KHDRBS2: variants seen among roughly 807,000 people sequenced by gnomAD.
KHDRBS2 encodes the protein KH RNA binding domain containing, signal transduction associated 2.
Under a neutral mutation model 44.3 loss-of-function variants are expected in KHDRBS2, and 26 were observed. The ratio of observed to expected loss-of-function variants is 0.59; its 90% CI spans 0.43 to 0.81. The LOEUF is 0.81. Among genes scored for constraint, KHDRBS2 ranks in the 40% least tolerant of loss-of-function variants. The pLI, the probability that KHDRBS2 is intolerant of heterozygous loss-of-function variation, is 0.00. For missense variants in KHDRBS2, 476 were observed against 433.1 expected, an observed-to-expected ratio of 1.10 and a Z score of -0.88; for synonymous variants, 194 against 151.1, an observed-to-expected ratio of 1.28 and a Z score of -2.08.
intron 4 of KHDRBS2, among the ~76,000 whole-genome samples, chr6:61,926,528 G>T (rs1319855569): frequency 2.0e-5 from 3 of 152,202 alleles, no homozygotes; most frequent in African/African-American, 7.2e-5. Flanking sequence ...CAATTTTGGA[G>T]ATATTAAACA....
intron 1 of KHDRBS2, among the ~76,000 whole-genome samples, chr6:62,285,161 T>C (rs1169806233): frequency 6.6e-6 from 1 of 152,086 alleles, no homozygotes; most frequent in Non-Finnish European, 1.5e-5. Context: ...AAACAAGACA[T>C]ATGTGTTCCT....
chr6:61,815,194 A>G (rs1355414463), intron 6 of KHDRBS2, among the ~76,000 whole-genome samples: 1 of 151,994 alleles, frequency 6.6e-6, no homozygotes, highest in African/African-American at 2.4e-5. Flanking sequence ...TTTCCTTTAC[A>G]GTAGCAAGCA....
intron 1 of KHDRBS2, among the ~76,000 whole-genome samples, chr6:62,196,985 T>G (rs1825841057): frequency 6.6e-6 from 1 of 152,098 alleles, no homozygotes; most frequent in Non-Finnish European, 1.5e-5. Context: ...TATAGTCTAC[T>G]TTGCCCTCTA....
At chr6:61,986,008 G>A (rs1774990330) in intron 3 of KHDRBS2, among the ~76,000 whole-genome samples, 2 of 151,896 alleles carry the variant, frequency 1.3e-5, no homozygotes. Context: ...AAGCACTAGA[G>A]TATAGTGGTT....
intron 6 of KHDRBS2, among the ~76,000 whole-genome samples, chr6:61,871,689 G>A (rs1425895458): frequency 6.6e-6 from 1 of 152,112 alleles, no homozygotes; most frequent in Non-Finnish European, 1.5e-5. Flanking sequence ...GAAGAGAGTG[G>A]GGGCCAATAT....
intron 1 of KHDRBS2, among the ~76,000 whole-genome samples, chr6:62,187,089 T>C (rs779896235): frequency 3.9e-5 from 6 of 152,106 alleles, no homozygotes; most frequent in Non-Finnish European, 8.8e-5. Context: ...CCACAGTCCA[T>C]CATGCTGGCA....
intron 7 of KHDRBS2, among the ~76,000 whole-genome samples, chr6:61,707,870 C>A (rs895328825): frequency 1.3e-5 from 2 of 151,558 alleles, no homozygotes; most frequent in African/African-American, 4.8e-5. Flanking sequence ...ATAATATATT[C>A]TATACGTAAC....
chr6:61,722,649 G>T (rs1402117446), intron 7 of KHDRBS2, among the ~76,000 whole-genome samples: 1 of 151,700 alleles, frequency 6.6e-6, no homozygotes, highest in Non-Finnish European at 1.5e-5. Context: ...TTTAGACTGT[G>T]ACAGTGCTCA....
In KHDRBS2 at chr6:62,077,484, T is replaced by G. The variant is rs572941464; in HGVS notation, c.220-29490A>C. 5.9e-5 allele frequency among the ~76,000 whole-genome samples: 9 copies of G among 152,184 alleles called. No individual in the cohort carries two copies. In the South Asian group the frequency reaches 1.9e-3, roughly 32 times the overall value. On this transcript the variant is annotated intron_variant, in intron 2 of 8. Transcript: ENST00000281156. The stretch of plus-strand genomic sequence containing the variant: ...TTCCTAGTTCCAGGGACCTCTGTGA[T>G]GACTTCTTTATCTGGGATCTTGAAT...
chr6:62,075,962 GA>G (rs1276157275), intron 2 of KHDRBS2, among the ~76,000 whole-genome samples: 1 of 150,788 alleles, frequency 6.6e-6, no homozygotes, highest in African/African-American at 2.4e-5. Context: ...TTTGAATGTA[GA>G]TTTTTTTTGC....
chr6:61,942,405 A>G (rs1812311421), intron 4 of KHDRBS2, among the ~76,000 whole-genome samples: 1 of 152,172 alleles, frequency 6.6e-6, no homozygotes, highest in Non-Finnish European at 1.5e-5. Context: ...CAAAACAAAA[A>G]TTCTGCAACT....
At chr6:61,981,742 C>G (rs933592637) in intron 3 of KHDRBS2, among the ~76,000 whole-genome samples, 1 of 152,160 alleles carries the variant, frequency 6.6e-6, no homozygotes, top group Non-Finnish European at 1.5e-5. Context: ...TTCATGTTCT[C>G]TCACTTTGTA....
the KHDRBS2 span, among the ~76,000 whole-genome samples, chr6:61,543,030 ACT>A: frequency 1.3e-5 from 2 of 151,942 alleles, no homozygotes; most frequent in African/African-American, 4.8e-5. Context: ...CATCAGGGAA[ACT>A]CTCTAGAACA....
intron 2 of KHDRBS2, among the ~76,000 whole-genome samples, chr6:62,151,584 C>T (rs533251457): frequency 6.6e-6 from 1 of 152,132 alleles, no homozygotes; most frequent in Non-Finnish European, 1.5e-5. Context: ...TAATCTGAAA[C>T]AGACAATGGC....
At chr6:61,977,953 AG>A in intron 4 of KHDRBS2, 112 bp downstream of exon 4, 1 of 874,848 alleles carries the variant, frequency 1.1e-6, no homozygotes, top group Non-Finnish European at 1.8e-6. Flanking sequence ...ACCTGTGGAT[AG>A]ATCATTGGTT....
In KHDRBS2 at chr6:61,688,027, A is replaced by G. The variant is rs1415618132; in HGVS notation, c.953-6967T>C. On this transcript the variant is annotated intron_variant, in intron 8 of 8. Transcript: ENST00000281156. Reference sequence around the variant, plus strand: ...TTATTGTATTTAATAAATTGACTCAATCTGTACCATTTTATTTCTAATTAT... The same window carrying G: ...TTATTGTATTTAATAAATTGACTCAGTCTGTACCATTTTATTTCTAATTAT... Among the ~76,000 whole-genome samples, 5 of 151,962 alleles carry G rather than the reference A, an allele frequency of 3.3e-5. 1 individual carries two copies. The South Asian group carries it at 6.2e-4, about 19-fold the overall frequency.
At chr6:61,757,006 G>A (rs940137485) in intron 6 of KHDRBS2, among the ~76,000 whole-genome samples, 1 of 152,138 alleles carries the variant, frequency 6.6e-6, no homozygotes, top group Non-Finnish European at 1.5e-5. Context: ...TTAACTCAAC[G>A]TAATTATTTG....
chr6:62,043,732 C>T (rs1473043198), intron 3 of KHDRBS2, among the ~76,000 whole-genome samples: 3 of 151,850 alleles, frequency 2.0e-5, no homozygotes, highest in Non-Finnish European at 4.4e-5. Context: ...CAAAGAAAAA[C>T]ATTAAACTTG....
At chr6:61,888,592 C>T (rs1358484712) in intron 6 of KHDRBS2, among the ~76,000 whole-genome samples, 4 of 138,308 alleles carry the variant, frequency 2.9e-5, no homozygotes, top group African/African-American at 5.6e-5. Context: ...AGACGAGTCT[C>T]TCTCTGTCAC....
Sources: allele counts gnomAD v4.1 joint callset (sites outside exome capture counted in the v4.1 genomes callset), GRCh38; gene constraint gnomAD v4.1.1; transcripts MANE v1.5; gene names NCBI Gene and HGNC (gene_info 2026-07-23, HGNC 2026-07-21).